The following FUBP1 variants were observed in gnomAD, a reference collection of about 807,000 sequenced individuals.
FUBP1 encodes far upstream element binding protein 1, also known as far upstream element-binding protein 1.
FUBP1 carries 16 observed loss-of-function variants against 94.9 expected under a neutral mutation model. The ratio of observed to expected loss-of-function variants is 0.17; its 90% confidence interval spans 0.11 to 0.26. The LOEUF (loss-of-function observed/expected upper bound fraction) is 0.26. FUBP1 is among the 10% of genes least tolerant of loss of function. The pLI is 1.00. For synonymous variants in FUBP1, 279 were observed against 254.9 expected (o/e 1.09, Z -0.90); for missense variants, 583 against 808.6 (o/e 0.72, Z 3.38).
chr1:77,969,463 A>G (rs1657110858), intron 2 of FUBP1, among the ~76,000 whole-genome samples: 1 of 152,170 alleles, frequency 6.6e-6, no homozygotes, highest in South Asian at 2.1e-4. Context: ...CATTAAAAAA[A>G]AAATGGTATA....
intron 16 of FUBP1, among the ~76,000 whole-genome samples, chr1:77,958,063 G>C (rs765393408): frequency 1.3e-5 from 2 of 152,032 alleles, no homozygotes; most frequent in South Asian, 4.1e-4. Flanking sequence ...AAGTGCTAGC[G>C]TCACAGGTTT....
Position 77,949,160 on chromosome 1 carries a change from G to A in FUBP1, c.1921C>T (p.Pro641Ser). ...AATTAGCAATTACATTATACCTGAG[G>A]TGCTGGAGGATGCTGTGGCATTCCC... ...PQGMPQHPPA[P>S]QGQ Residue 641 changes from proline to serine, a missense_variant, in exon 19 of 20, where the codon CCT (proline) becomes TCT (serine). By Grantham distance (74) the Pro-to-Ser change is moderately conservative. Coordinates refer to ENST00000370768, the MANE Select transcript of FUBP1 (RefSeq NM_003902.5). The A allele has an allele frequency of 6.2e-7, 1 of 1,612,246 alleles. No individual in the cohort carries two copies. Among genetic ancestry groups the A allele is most frequent in the Non-Finnish European group, 8.5e-7 (1 of 1,178,688 alleles).
intron 2 of FUBP1, among the ~76,000 whole-genome samples, chr1:77,968,736 A>G (rs1194324719): frequency 6.6e-6 from 1 of 152,134 alleles, no homozygotes; most frequent in Non-Finnish European, 1.5e-5. Context: ...TCACTGCATA[A>G]AACTTTAGCA....
intron 1 of FUBP1, among the ~76,000 whole-genome samples, chr1:77,974,988 G>T (rs1424066131): frequency 1.3e-5 from 2 of 152,040 alleles, no homozygotes; most frequent in East Asian, 3.8e-4. Flanking sequence ...TATAACCTAC[G>T]CAAATCCTTC....
chr1:77,960,430 T>TCCATGGGGGCCTGGGACA lies in FUBP1; in HGVS notation c.1392_1409dup (p.Val465_Gly470dup), dbSNP rs1553121785. On this transcript the variant is annotated inframe_insertion, in exon 15 of 20. Transcript: ENST00000370768. ...TTCCAGGCCCTGGAGGCCCAGGAGG[T>TCCATGGGGGCCTGGGACA]CCATGGGGGCCTGGGACACCATGGG... 1 of 1,592,370 alleles carries TCCATGGGGGCCTGGGACA rather than the reference T, an allele frequency of 6.3e-7. No individual in the cohort carries two copies. Among genetic ancestry groups the TCCATGGGGGCCTGGGACA allele is most frequent in the African/African-American group, 1.4e-5 (1 of 73,184 alleles).
At chr1:77,948,812 T>C (rs1265964586) in intron 19 of FUBP1, 38 bp from the exon 20 acceptor site, 4 of 1,608,036 alleles carry the variant, frequency 2.5e-6, no homozygotes, top group Non-Finnish European at 8.5e-7. Context: ...CACAAAAAGT[T>C]AAAGAAAATC....
In FUBP1 at chr1:77,974,555, C is replaced by T. The variant is rs1658249579; in HGVS notation, c.120+4330G>A. Among the ~76,000 whole-genome samples, 3 of 152,114 alleles carry T rather than the reference C, an allele frequency of 2.0e-5. No homozygotes were observed. In the South Asian group the frequency reaches 6.2e-4, roughly 32 times the overall value. On this transcript the variant is annotated intron_variant, in intron 1 of 19. Transcript: ENST00000370768. ...AAACACTAGGATTACAGCCATGAGC[C>T]ACCTTGGCTAGCTGATTTCTTTTCA...
Position 77,964,357 on chromosome 1 carries a change from CT to C in FUBP1, c.838-2del. 1.3e-6 allele frequency: 2 copies of C among 1,559,852 alleles called. No individual in the cohort carries two copies. Among genetic ancestry groups the C allele is most frequent in the South Asian group, 2.2e-5 (2 of 90,058 alleles). ...CAACAGCAAATCTTGGAATGGGGAC[CT>C]TATGTAAAAAAGACTAAGTATTAAG... On this transcript the variant is annotated splice_acceptor_variant, in intron 10 of 19. Transcript: ENST00000370768. LOFTEE classifies it high-confidence loss of function.
In FUBP1 at chr1:77,946,929, T is replaced by G. The variant is rs969564704; in HGVS notation, c.*1837A>C. 46 of 204,292 alleles carry G rather than the reference T, an allele frequency of 2.3e-4. No individual in the cohort carries two copies. The Admixed American group carries it at 2.6e-3, about 11-fold the overall frequency. The allele number at this position is 204,292 out of a possible 1,614,324, so 12.7% of individuals were successfully genotyped here. A position where few individuals can be genotyped will look rare whatever the true frequency, so the allele number is the denominator to read the frequency against. ...ACATTTCAAAATATCTACAATGAAC[T>G]GTACTGCTATTTCCATCCTGTAGGT... On this transcript the variant is annotated 3_prime_UTR_variant, in exon 20 of 20. Coordinates refer to ENST00000370768, the MANE Select transcript of FUBP1 (RefSeq NM_003902.5).
In FUBP1 at chr1:77,948,658, A is replaced by T; in HGVS notation, c.*108T>A. On this transcript the variant is annotated 3_prime_UTR_variant, in exon 20 of 20. Transcript: ENST00000370768. Reference sequence around the variant, plus strand: ...AAAAAAAAAAAGGAAACACTATTTTAAACCAAAAACAAAATTAAGATCTTC... The same window carrying T: ...AAAAAAAAAAAGGAAACACTATTTTTAACCAAAAACAAAATTAAGATCTTC... 6.8e-7 allele frequency: 1 copy of T among 1,472,264 alleles called. No individual in the cohort carries two copies. Among genetic ancestry groups the T allele is most frequent in the Non-Finnish European group, 9.0e-7 (1 of 1,108,638 alleles). The allele number at this position is 1,472,264 out of a possible 1,614,324, so 91.2% of individuals were successfully genotyped here.
intron 14 of FUBP1, 63 bp from the exon 15 acceptor site, chr1:77,960,558 G>T: frequency 1.5e-6 from 2 of 1,293,476 alleles, no homozygotes; most frequent in African/African-American, 1.5e-5. Flanking sequence ...ACAACTCTAC[G>T]GCCAAATAAT....
chr1:77,976,731 G>A (rs1022320779), intron 1 of FUBP1, among the ~76,000 whole-genome samples: 1 of 152,176 alleles, frequency 6.6e-6, no homozygotes, highest in African/African-American at 2.4e-5. Flanking sequence ...GACTTCAAGT[G>A]ATCTGCCTGC....
Position 77,963,651 on chromosome 1 carries a change from T to C in FUBP1, c.1106A>G (p.Asn369Ser). The change falls in exon 13 of 20, where the codon AAC becomes AGC. Residue 369 changes from asparagine to serine, a missense_variant. Coordinates refer to ENST00000370768, the MANE Select transcript of FUBP1 (RefSeq NM_003902.5). Reference sequence around the variant, plus strand: ...CTGTAGTCCACCAGGTGGTCCCATGTTCCAGTTGCCTTGACCTCTACCTCT... The same window carrying C: ...CTGTAGTCCACCAGGTGGTCCCATGCTCCAGTTGCCTTGACCTCTACCTCT... ...RGRGRGQGNW[N>S]MGPPGGLQEF... The C allele has an allele frequency of 6.2e-7, 1 of 1,606,840 alleles. No homozygotes were observed. The highest frequency in any genetic ancestry group is 8.5e-7 in the Non-Finnish European group (1 of 1,173,360).
rs1458647954 is a variant in FUBP1 at position 77,948,769 on chromosome 1, T to C, written c.1932A>G (p.Gln644=). The change falls in exon 20 of 20, where the codon CAA becomes CAG. Residue 644 remains glutamine, a synonymous_variant. Transcript: ENST00000370768. ...MPQHPPAPQG[Q] is the part of the protein sequence containing the mutation. ...ATACTGTATTGTCCACTTCTTATTA[T>C]TGGCCCTGTGCAGAAGAGATACATA... is the stretch of plus-strand genomic sequence containing the variant. The C allele has an allele frequency of 2.5e-6, 4 of 1,608,152 alleles. No homozygotes were observed. The highest frequency in any genetic ancestry group is 2.2e-5 in the East Asian group (1 of 44,822).
At chr1:77,956,789 G>A (rs1654547153) in intron 16 of FUBP1, 89 bp from the exon 17 acceptor site, 4 of 837,548 alleles carry the variant, frequency 4.8e-6, no homozygotes, top group South Asian at 5.6e-5. Context: ...CAGCTCTCTG[G>A]CAAATATACA....
chr1:77,964,629 T>C lies in FUBP1; in HGVS notation c.837+17A>G, dbSNP rs1438595695. On this transcript the variant is annotated intron_variant, in intron 10 of 19. Transcript: ENST00000370768. ...GAATTAGCATACAACCATTTCTGAA[T>C]GGGTATTTTTACTTACATCTATCCC... is the stretch of plus-strand genomic sequence containing the variant. 3 of 1,314,556 alleles carry C rather than the reference T, an allele frequency of 2.3e-6. No individual in the cohort carries two copies. The highest frequency in any genetic ancestry group is 4.6e-5 in the East Asian group (2 of 43,592). 81.4% of individuals were successfully genotyped at this position (1,314,556 alleles called of 1,614,324 possible). A position where few individuals can be genotyped will look rare whatever the true frequency, so the allele number is the denominator to read the frequency against.
At position 77,967,498 on chromosome 1, in the gene FUBP1, G is replaced by C. The variant is rs374153072; in HGVS notation, c.290+129C>G. The C allele has an allele frequency of 1.7e-3, 1,104 of 652,822 alleles. 5 individuals carry two copies. The highest frequency in any genetic ancestry group is 4.1e-3 in the Middle Eastern group (14 of 3,448). 40.4% of individuals were successfully genotyped at this position (652,822 alleles called of 1,614,324 possible). ...ATCACTTTATGGTACCTTCCCAAGG[G>C]GAGTGATATGAACTAGGTACACCAA... On this transcript the variant is annotated intron_variant, in intron 4 of 19. Transcript: ENST00000370768.
intron 1 of FUBP1, among the ~76,000 whole-genome samples, chr1:77,974,784 T>TATATCCTCC (rs1333082039): frequency 2.0e-5 from 3 of 152,232 alleles, no homozygotes; most frequent in African/African-American, 7.2e-5. Flanking sequence ...GTTCTTGGAA[T>TATATCCTCC]GTATCCTCCG....
chr1:77,972,598 A>C (rs1293736250), intron 1 of FUBP1, among the ~76,000 whole-genome samples: 6 of 150,494 alleles, frequency 4.0e-5, no homozygotes, highest in Admixed American at 6.6e-5. Context: ...AAAATACAAA[A>C]AAAAAAAAAA....
Sources: gnomAD v4.1 joint callset for allele counts (sites outside exome capture counted in the v4.1 genomes callset) on GRCh38, gnomAD v4.1.1 for gene constraint, MANE v1.5 for transcripts, NCBI Gene and HGNC (gene_info 2026-07-23, HGNC 2026-07-21) for gene names.